The following NHSL1 variants were observed in gnomAD, a reference collection of about 807,000 sequenced individuals.
NHSL1 encodes the protein NHS-like protein 1.
NHSL1 carries 48 observed loss-of-function variants against 95.0 expected under a neutral mutation model. The observed-to-expected ratio is 0.51, with a 90% confidence interval of 0.40 to 0.64. NHSL1 has a LOEUF of 0.64. NHSL1 is among the 30% of genes least tolerant of loss of function. The pLI is 0.00. For synonymous variants in NHSL1, 783 were observed against 833.9 expected (o/e 0.94, Z 1.05); for missense variants, 1,971 against 2,077.7 (o/e 0.95, Z 1.00).
intron 1 of NHSL1, among the ~76,000 whole-genome samples, chr6:138,644,653 T>C (rs993986203): frequency 5.3e-5 from 8 of 152,238 alleles, no homozygotes; most frequent in Admixed American, 1.3e-4. Flanking sequence ...TGTTATTACC[T>C]GAAAATCTGG....
At chr6:138,618,603 A>C (rs150934638) in intron 1 of NHSL1, among the ~76,000 whole-genome samples, 1 of 152,188 alleles carries the variant, frequency 6.6e-6, no homozygotes, top group African/African-American at 2.4e-5. Flanking sequence ...GTTTTTTTTT[A>C]AATGAACACA....
chr6:138,679,021 T>A (rs1785481431), intron 1 of NHSL1, among the ~76,000 whole-genome samples: 1 of 152,198 alleles, frequency 6.6e-6, no homozygotes, highest in African/African-American at 2.4e-5. Context: ...TTTTATAAGC[T>A]AAGTTTTTCA....
chr6:138,682,293 A>G (rs1363253698), intron 1 of NHSL1, among the ~76,000 whole-genome samples: 2 of 152,230 alleles, frequency 1.3e-5, no homozygotes, highest in African/African-American at 4.8e-5. Flanking sequence ...GAAAAATAAA[A>G]TTATTCCAGA....
intron 5 of NHSL1, 148 bp downstream of exon 5, chr6:138,441,835 T>A: frequency 1.6e-6 from 1 of 639,110 alleles, no homozygotes. Context: ...GATTTGCACC[T>A]AATGCCTCAT....
At chr6:138,672,784 C>G (rs546483622) in intron 1 of NHSL1, among the ~76,000 whole-genome samples, 1 of 152,150 alleles carries the variant, frequency 6.6e-6, no homozygotes, top group Non-Finnish European at 1.5e-5. Context: ...TTTGGGAGGC[C>G]GAGGTAGGCA....
At chr6:138,585,235 T>C (rs1784116626) in intron 1 of NHSL1, among the ~76,000 whole-genome samples, 1 of 152,176 alleles carries the variant, frequency 6.6e-6, no homozygotes, top group African/African-American at 2.4e-5. Context: ...AGAGGTGAGC[T>C]GGGATTGAGA....
chr6:138,577,915 T>G (rs1562381001), intron 1 of NHSL1, among the ~76,000 whole-genome samples: 1 of 152,140 alleles, frequency 6.6e-6, no homozygotes, highest in Non-Finnish European at 1.5e-5. Context: ...CATAGTACAT[T>G]AAATCCTTCT....
chr6:138,497,447 T>C (rs148965404), intron 1 of NHSL1, among the ~76,000 whole-genome samples: 2 of 152,296 alleles, frequency 1.3e-5, no homozygotes, highest in African/African-American at 4.8e-5. Context: ...ATCTATGCTA[T>C]AGAGTTCACA....
At chr6:138,645,471 T>C (rs934890702) in intron 1 of NHSL1, among the ~76,000 whole-genome samples, 6 of 152,060 alleles carry the variant, frequency 3.9e-5, no homozygotes, top group Admixed American at 1.3e-4. Context: ...TAACGTACTA[T>C]AATATTGACT....
At chr6:138,590,913 A>G (rs189753312) in intron 1 of NHSL1, among the ~76,000 whole-genome samples, 1 of 152,322 alleles carries the variant, frequency 6.6e-6, no homozygotes, top group East Asian at 1.9e-4. Context: ...CCTCTCAAAA[A>G]TATGCTGGAA....
At chr6:138,616,766 T>G (rs754244075) in intron 1 of NHSL1, among the ~76,000 whole-genome samples, 2 of 152,096 alleles carry the variant, frequency 1.3e-5, no homozygotes, top group Admixed American at 6.5e-5. Flanking sequence ...TATCCCTACC[T>G]CCTCCTATCA....
chr6:138,644,687 C>G (rs1784994959), intron 1 of NHSL1, among the ~76,000 whole-genome samples: 1 of 152,014 alleles, frequency 6.6e-6, no homozygotes, highest in Non-Finnish European at 1.5e-5. Context: ...GGAGCAGGGA[C>G]TGAGAGATAA....
rs527969295 is a variant in NHSL1 at position 138,632,499 on chromosome 6, C to T, written c.96+59977G>A. Among the ~76,000 whole-genome samples, 11 of 152,300 alleles carry T rather than the reference C, an allele frequency of 7.2e-5. No individual in the cohort carries two copies. In the South Asian group the frequency reaches 2.3e-3, roughly 32 times the overall value. On this transcript the variant is annotated intron_variant, in intron 1 of 3. Transcript: ENST00000491526. ...AAAGGGGTGCTGTGTCACTCCACCC[C>T]CAACCAGGTGGCTCAGAACAGAAAG...
chr6:138,678,113 A>C (rs1172092539), intron 1 of NHSL1, among the ~76,000 whole-genome samples: 12 of 152,162 alleles, frequency 7.9e-5, no homozygotes. Flanking sequence ...AATTCCCTTG[A>C]AATGCAGGCT....
intron 1 of NHSL1, among the ~76,000 whole-genome samples, chr6:138,658,892 C>T (rs1484577885): frequency 1.3e-5 from 2 of 152,036 alleles, no homozygotes; most frequent in East Asian, 1.9e-4. Context: ...TAGTTGTACC[C>T]GTTTCCCCCA....
intron 2 of NHSL1, among the ~76,000 whole-genome samples, chr6:138,487,110 C>A (rs17067662): frequency 2.0e-5 from 3 of 151,226 alleles, no homozygotes; most frequent in Non-Finnish European, 4.4e-5. Flanking sequence ...TATCATTACA[C>A]GTGAAGGCAC....
chr6:138,549,510 A>G (rs930634772), upstream of NHSL1, among the ~76,000 whole-genome samples: 1 of 152,350 alleles, frequency 6.6e-6, no homozygotes, highest in Non-Finnish European at 1.5e-5. Context: ...TGGAAGAGGC[A>G]GGACAGAATT....
intron 1 of NHSL1, among the ~76,000 whole-genome samples, chr6:138,536,998 A>C (rs76919566): frequency 2.2e-3 from 330 of 152,322 alleles, no homozygotes; most frequent in African/African-American, 7.5e-3. Flanking sequence ...CCAATTCCTC[A>C]GTACAGCAGT....
chr6:138,529,380 G>A (rs1233882801), intron 1 of NHSL1, among the ~76,000 whole-genome samples: 1 of 152,170 alleles, frequency 6.6e-6, no homozygotes, highest in Non-Finnish European at 1.5e-5. Flanking sequence ...TTTTAATGAC[G>A]TAGTAGTTTT....
Sources: gnomAD v4.1 joint callset for allele counts (sites outside exome capture counted in the v4.1 genomes callset) on GRCh38, gnomAD v4.1.1 for gene constraint, MANE v1.5 for transcripts, NCBI Gene and HGNC (gene_info 2026-07-23, HGNC 2026-07-21) for gene names.